The following FHAD1 variants were observed in gnomAD, a reference collection of about 807,000 sequenced individuals.
FHAD1 encodes forkhead associated phosphopeptide binding domain 1.
A neutral mutation model predicts 191.3 loss-of-function variants in FHAD1; 146 were observed. The observed-to-expected ratio is 0.76, with a 90% CI of 0.67 to 0.88. FHAD1 has a LOEUF of 0.88. FHAD1 is among the 40% of genes least tolerant of loss of function. The pLI is 0.00. For synonymous variants in FHAD1, 616 were observed against 672.3 expected, an observed-to-expected ratio of 0.92 and a Z score of 1.29; for missense variants, 1,635 against 1,785.8, an observed-to-expected ratio of 0.92 and a Z score of 1.52.
intron 20 of FHAD1, among the ~76,000 whole-genome samples, chr1:15,357,027 A>C (rs763103051): frequency 2.6e-5 from 4 of 152,064 alleles, no homozygotes; most frequent in Non-Finnish European, 5.9e-5. Context: ...AGTGCAGCAG[A>C]TGCCCGGCTG....
At chr1:15,383,929 C>T in intron 31 of FHAD1, 1 of 413,478 alleles carries the variant, frequency 2.4e-6, no homozygotes, top group Non-Finnish European at 4.8e-6. Context: ...GCAGGGTTGG[C>T]CGTGAGTCCC....
intron 32 of FHAD1, 136 bp from the exon 33 acceptor site, chr1:15,391,074 T>G (rs1277041704): frequency 3.4e-6 from 1 of 294,634 alleles, no homozygotes; most frequent in Non-Finnish European, 6.4e-6. Flanking sequence ...GCTACCTGTT[T>G]GGAATGCTGT....
At chr1:15,393,430 G>GCA (rs57536175) in intron 33 of FHAD1, among the ~76,000 whole-genome samples, 6,806 of 146,732 alleles carry the variant, frequency 0.046, 232 homozygotes, top group African/African-American at 0.088. Context: ...ACACACACAC[G>GCA]CACACACACA....
chr1:15,328,470 T>A (rs1679800182), intron 13 of FHAD1, 41 bp downstream of exon 13: 88 of 1,354,594 alleles, frequency 6.5e-5, no homozygotes, highest in Non-Finnish European at 8.2e-5. Flanking sequence ...TCTCTTTGTC[T>A]AATTTTTGTG....
chr1:15,343,178 T>G (rs1687428549), intron 16 of FHAD1, among the ~76,000 whole-genome samples: 1 of 152,114 alleles, frequency 6.6e-6, no homozygotes, highest in Admixed American at 6.5e-5. Context: ...AGATTAAAAA[T>G]TACTAATGCC....
At position 15,329,700 on chromosome 1, in the gene FHAD1, C is replaced by G; in HGVS notation, c.1906+159C>G. On this transcript the variant is annotated intron_variant, in intron 14 of 33. Coordinates refer to ENST00000688493, the MANE Select transcript of FHAD1 (RefSeq NM_001391957.1). This position sits in a 1 kb window ranked among gnomAD's most constrained non-coding sequence, Gnocchi z 5.0. Reference sequence around the variant, plus strand: ...GCTTCTCTGCTTGAGGCGTAATTTTCCATTAAAAAAAAAAACACACACATA... The same window carrying G: ...GCTTCTCTGCTTGAGGCGTAATTTTGCATTAAAAAAAAAAACACACACATA... 2 of 550,552 alleles carry G rather than the reference C, an allele frequency of 3.6e-6. No homozygotes were observed. The highest frequency in any genetic ancestry group is 6.2e-6 in the Non-Finnish European group (2 of 320,880). The allele number at this position is 550,552 out of a possible 1,614,324, so 34.1% of individuals were successfully genotyped here.
intron 23 of FHAD1, chr1:15,364,054 C>T (rs1695650428): frequency 3.1e-6 from 1 of 321,338 alleles, no homozygotes; most frequent in South Asian, 2.6e-5. Flanking sequence ...GGAGAAGACT[C>T]AGCACCACCC....
chr1:15,371,021 A>C (rs1050903070), intron 26 of FHAD1, among the ~76,000 whole-genome samples: 1 of 152,330 alleles, frequency 6.6e-6, no homozygotes, highest in East Asian at 1.9e-4. Context: ...TGTCCAGAGC[A>C]CTTTAACAGA....
chr1:15,399,969 T>C (rs1023810648), downstream of FHAD1: 1 of 152,228 alleles, frequency 6.6e-6, no homozygotes, highest in African/African-American at 2.4e-5. Flanking sequence ...ACGGGCCATG[T>C]TGGACCAATC....
intron 18 of FHAD1, among the ~76,000 whole-genome samples, chr1:15,346,536 T>C (rs1221014404): frequency 6.6e-6 from 1 of 152,060 alleles, no homozygotes; most frequent in Non-Finnish European, 1.5e-5. Context: ...TAAAGGGAGG[T>C]GGCCAGAACC....
Position 15,329,423 on chromosome 1 carries a change from A to G in FHAD1, c.1788A>G (p.Pro596=). Reference sequence around the variant, plus strand: ...TTCTTCAGCACCTCCAGGTGAGCCCACCTGTCTCGGGGCTCCAGAAGGTGG... The same window carrying G: ...TTCTTCAGCACCTCCAGGTGAGCCCGCCTGTCTCGGGGCTCCAGAAGGTGG... The part of the protein sequence containing the change: ...VDLLQHLQVS[P]PVSGLQKVVL... Residue 596 remains proline (P), a synonymous_variant, in exon 14 of 34, where the codon CCA becomes CCG. Coordinates refer to ENST00000688493, the MANE Select transcript of FHAD1 (RefSeq NM_001391957.1). This position sits in a 1 kb window ranked among gnomAD's most constrained non-coding sequence, Gnocchi z 5.0. 6.4e-7 allele frequency: 1 copy of G among 1,551,076 alleles called. No homozygotes were observed.
chr1:15,309,647 A>G (rs946281804), intron 7 of FHAD1, among the ~76,000 whole-genome samples: 40 of 150,836 alleles, frequency 2.7e-4, no homozygotes, highest in African/African-American at 9.0e-4. Context: ...CAACTTTCCT[A>G]AAACATTATG....
intron 28 of FHAD1, among the ~76,000 whole-genome samples, chr1:15,379,703 C>A: frequency 6.6e-6 from 1 of 152,220 alleles, no homozygotes; most frequent in Non-Finnish European, 1.5e-5. Flanking sequence ...GTGTTTGTGT[C>A]CCTGGGTACT....
intron 31 of FHAD1, 148 bp from the exon 32 acceptor site, chr1:15,387,903 C>A: frequency 2.8e-6 from 1 of 359,880 alleles, no homozygotes; most frequent in Non-Finnish European, 5.4e-6. Flanking sequence ...AAGAAAAAGA[C>A]TCTCCCGCAG....
intron 2 of FHAD1, among the ~76,000 whole-genome samples, chr1:15,252,471 A>G (rs1616011): frequency 0.29 from 44,170 of 151,996 alleles, 7,427 homozygotes; most frequent in Non-Finnish European, 0.39. Context: ...ACGTTGACAT[A>G]GCACACTGGT....
chr1:15,334,981 C>G (rs1474496661), intron 14 of FHAD1, among the ~76,000 whole-genome samples: 1 of 152,238 alleles, frequency 6.6e-6, no homozygotes, highest in African/African-American at 2.4e-5. Flanking sequence ...CTCAAACTCC[C>G]TGCTCTTGAC....
intron 7 of FHAD1, among the ~76,000 whole-genome samples, chr1:15,310,958 ACAACT>A (rs1394301315): frequency 3.3e-5 from 5 of 152,208 alleles, no homozygotes; most frequent in African/African-American, 9.6e-5. Context: ...CCTGCCTGAA[ACAACT>A]CAAACAAACA....
In FHAD1 at chr1:15,327,005, C is replaced by A; in HGVS notation, c.1474-54C>A. On this transcript the variant is annotated intron_variant, in intron 11 of 33. Transcript: ENST00000688493. The surrounding 1 kb of genome is among the most constrained non-coding windows in gnomAD (Gnocchi z 5.1). ...GCACCCTGCCATGGAAACGCTGCCC[C>A]CACTTGCCGGCCCCTGCTGACCCCC... 1 of 1,157,586 alleles carries A rather than the reference C, an allele frequency of 8.6e-7. No individual in the cohort carries two copies. Among genetic ancestry groups the A allele is most frequent in the South Asian group, 1.3e-5 (1 of 75,258 alleles). 71.7% of individuals were successfully genotyped at this position (1,157,586 alleles called of 1,614,324 possible). A position where few individuals can be genotyped will look rare whatever the true frequency, so the allele number is the denominator to read the frequency against.
At position 15,289,516 on chromosome 1, in the gene FHAD1, C is replaced by T; in HGVS notation, c.418C>T (p.Gln140Ter). ...ACATATCCCCTTCCACCAAGGTGTC[C>T]AGCCAGCACCGATGCAAAGGAGCTG... ...PSHIPFHQGV[Q>*]PAPMQRSWSQ... The change falls in exon 4 of 34, where the codon CAG (glutamine) becomes TAG (stop). Residue 140 changes from glutamine (Q) to a stop codon, truncating the protein, a stop_gained. Transcript: ENST00000688493. LOFTEE classifies it high-confidence loss of function. The surrounding 1 kb of genome is among the most constrained non-coding windows in gnomAD (Gnocchi z 4.2). The T allele has an allele frequency of 6.4e-7, 1 of 1,551,900 alleles. No homozygotes were observed. Among genetic ancestry groups the T allele is most frequent in the Non-Finnish European group, 8.7e-7 (1 of 1,147,052 alleles).
Sources: allele counts gnomAD v4.1 joint callset (sites outside exome capture counted in the v4.1 genomes callset), GRCh38; gene constraint gnomAD v4.1.1; non-coding constraint Gnocchi (gnomAD v3.1); transcripts MANE v1.5; gene names NCBI Gene and HGNC (gene_info 2026-07-23, HGNC 2026-07-21).